Variants in ATP8B4 observed in about 807,000 individuals in gnomAD.
The protein encoded by ATP8B4 is probable phospholipid-transporting ATPase IM.
Under a neutral mutation model 145.6 loss-of-function variants are expected in ATP8B4, and 133 were observed. The observed-to-expected ratio is 0.91, with a 90% CI of 0.79 to 1.05. ATP8B4 has a LOEUF of 1.05. Among genes scored for constraint, ATP8B4 ranks in the 50% least tolerant of loss-of-function variants. The pLI, the probability that ATP8B4 is intolerant of heterozygous loss-of-function variation, is 0.00. For missense variants in ATP8B4, 1,458 were observed against 1,425.2 expected (o/e 1.02, Z -0.37); for synonymous variants, 507 against 492.9 (o/e 1.03, Z -0.38).
intron 2 of ATP8B4, among the ~76,000 whole-genome samples, chr15:50,100,982 T>C (rs2153663360): frequency 6.6e-6 from 1 of 152,236 alleles, no homozygotes; most frequent in African/African-American, 2.4e-5. Flanking sequence ...CCAAATTACT[T>C]TAGAAGAAAT....
chr15:49,905,901 G>C (rs1228887895), intron 20 of ATP8B4, among the ~76,000 whole-genome samples: 3 of 152,082 alleles, frequency 2.0e-5, no homozygotes, highest in African/African-American at 4.8e-5. Context: ...GATAGGCAAG[G>C]AGGTAAGGAG....
intron 1 of ATP8B4, among the ~76,000 whole-genome samples, chr15:50,153,207 T>C (rs1196644865): frequency 6.6e-6 from 1 of 152,164 alleles, no homozygotes; most frequent in African/African-American, 2.4e-5. Flanking sequence ...AAAACATTGT[T>C]TTTCTAAGCC....
At chr15:49,867,970 T>A (rs561095062) in intron 25 of ATP8B4, among the ~76,000 whole-genome samples, 25 of 152,238 alleles carry the variant, frequency 1.6e-4, no homozygotes, top group Admixed American at 1.5e-3. Context: ...CAAAAAGATA[T>A]GAGACATGAA....
In ATP8B4 at chr15:50,108,199, C is replaced by T. The variant is rs952045408; in HGVS notation, c.-42-1191G>A. ...TGCCCAAGACCATCCCTCCTAGCCC[C>T]GCCTCTCTACTCCCCCACCCCAGCC... On this transcript the variant is annotated intron_variant, in intron 1 of 27. Coordinates refer to ENST00000284509, the MANE Select transcript of ATP8B4 (RefSeq NM_024837.4). 2.6e-5 allele frequency among the ~76,000 whole-genome samples: 4 copies of T among 152,218 alleles called. No individual in the cohort carries two copies. The South Asian group carries it at 8.3e-4, about 32-fold the overall frequency.
chr15:50,083,432 T>C (rs1175366034), intron 2 of ATP8B4, among the ~76,000 whole-genome samples: 2 of 151,008 alleles, frequency 1.3e-5, no homozygotes, highest in Non-Finnish European at 3.0e-5. Context: ...TCTTTCTTTC[T>C]GTATCATCTC....
At chr15:49,995,698 G>A (rs1036088603) in intron 9 of ATP8B4, among the ~76,000 whole-genome samples, 2 of 152,106 alleles carry the variant, frequency 1.3e-5, no homozygotes, top group African/African-American at 4.8e-5. Context: ...CCTTGTCCAT[G>A]TTTTCCCTAA....
chr15:49,937,656 C>T (rs1302741111), intron 14 of ATP8B4, among the ~76,000 whole-genome samples: 1 of 152,130 alleles, frequency 6.6e-6, no homozygotes, highest in African/African-American at 2.4e-5. Context: ...TGACATTTTT[C>T]AGCCAACTAT....
intron 2 of ATP8B4, among the ~76,000 whole-genome samples, chr15:50,085,979 AAATATATCATATATATTTAT>A (rs2054976392): frequency 4.7e-5 from 1 of 21,426 alleles, no homozygotes; most frequent in Non-Finnish European, 7.0e-5. Flanking sequence ...ATGATATATC[AAATATATCATATATATTTAT>A]TATATATAAT....
rs751319243 is a variant in ATP8B4, at chr15:50,100,035, C to CAAA, written c.28+6901_28+6903dup. Among the ~76,000 whole-genome samples, 311 of 80,116 alleles carry CAAA rather than the reference C, an allele frequency of 3.9e-3. 6 individuals carry two copies. Among genetic ancestry groups the CAAA allele is most frequent in the East Asian group, 0.012 (40 of 3,222 alleles). The allele number at this position is 80,116 out of a possible 152,430, so 52.6% of individuals were successfully genotyped here. ...GGGCAACAAGAGCAAAACTCCATCT[C>CAAA]AAAAAAAAAAAAAAAAAAAGAATGC... On this transcript the variant is annotated intron_variant, in intron 2 of 27. Coordinates refer to ENST00000284509, the MANE Select transcript of ATP8B4 (RefSeq NM_024837.4).
At chr15:49,978,684 G>A (rs2045882462) in intron 12 of ATP8B4, among the ~76,000 whole-genome samples, 1 of 148,584 alleles carries the variant, frequency 6.7e-6, no homozygotes, top group Admixed American at 6.7e-5. Context: ...GTTAGGATTA[G>A]GATCAAAAAT....
At chr15:50,127,078 C>A (rs1464339915) in intron 1 of ATP8B4, among the ~76,000 whole-genome samples, 1 of 152,228 alleles carries the variant, frequency 6.6e-6, no homozygotes, top group East Asian at 1.9e-4. Flanking sequence ...ATCGGGAAAT[C>A]TTTGAATCTA....
chr15:49,955,305 T>C (rs1353293393), intron 14 of ATP8B4, among the ~76,000 whole-genome samples: 1 of 152,170 alleles, frequency 6.6e-6, no homozygotes, highest in Non-Finnish European at 1.5e-5. Context: ...AACCTGCACA[T>C]GTACCCCGAT....
At chr15:50,054,302 A>AACAGTCTC (rs1385154359) in intron 3 of ATP8B4, among the ~76,000 whole-genome samples, 17 of 152,212 alleles carry the variant, frequency 1.1e-4, no homozygotes, top group Admixed American at 4.6e-4. Flanking sequence ...AGAAGCTCTG[A>AACAGTCTC]ACAGTCTCAC....
At chr15:49,936,873 C>G (rs143736309) in intron 14 of ATP8B4, among the ~76,000 whole-genome samples, 2 of 151,668 alleles carry the variant, frequency 1.3e-5, no homozygotes, top group Non-Finnish European at 2.9e-5. Context: ...GGGAGAGTCT[C>G]TTGACTTAAT....
upstream of ATP8B4, among the ~76,000 whole-genome samples, chr15:50,123,578 AC>A (rs1289648940): frequency 6.6e-6 from 1 of 151,908 alleles, no homozygotes; most frequent in Non-Finnish European, 1.5e-5. Flanking sequence ...CCACTTTCTG[AC>A]CCCCTACCCA....
chr15:49,896,320 G>C (rs938456964), intron 23 of ATP8B4: 2 of 152,138 alleles, frequency 1.3e-5, no homozygotes, highest in African/African-American at 2.4e-5. Context: ...TAACTTCCCA[G>C]AAGAAGGAAA....
intron 23 of ATP8B4, among the ~76,000 whole-genome samples, chr15:49,887,837 C>T (rs750945196): frequency 7.2e-5 from 11 of 152,174 alleles, no homozygotes; most frequent in Non-Finnish European, 1.6e-4. Flanking sequence ...GCTTGGAGAA[C>T]ACAAAACCTA....
chr15:49,957,535 G>C (rs970423422), intron 14 of ATP8B4, among the ~76,000 whole-genome samples: 4 of 152,022 alleles, frequency 2.6e-5, no homozygotes, highest in Non-Finnish European at 5.9e-5. Context: ...CTATAGCCCT[G>C]TGTTCTACAC....
At chr15:50,074,079 T>C (rs1356072531) in intron 3 of ATP8B4, 48 bp downstream of exon 3, 1 of 1,531,766 alleles carries the variant, frequency 6.5e-7, no homozygotes. Flanking sequence ...CCACTGTCTT[T>C]AGGTAAGACC....
Sources: allele counts gnomAD v4.1 joint callset (sites outside exome capture counted in the v4.1 genomes callset), GRCh38; gene constraint gnomAD v4.1.1; transcripts MANE v1.5; gene names NCBI Gene and HGNC (gene_info 2026-07-23, HGNC 2026-07-21).